Variants in SPTBN5 observed in about 807,000 individuals in gnomAD.
The protein encoded by SPTBN5 is spectrin beta chain, non-erythrocytic 5.
In SPTBN5, 513 loss-of-function variants were observed where a neutral mutation model predicts 477.6. The ratio of observed to expected loss-of-function variants is 1.07; its 90% CI spans 1.00 to 1.16. The LOEUF (loss-of-function observed/expected upper bound fraction) is 1.16. Ranked by LOEUF, SPTBN5 falls within the 50% of genes most tolerant of loss-of-function variation. The probability of loss-of-function intolerance (pLI) is 0.00; values close to 1 mark genes in which losing one functional copy is unlikely to be tolerated. For synonymous variants in SPTBN5, 2,169 were observed against 2,011.7 expected (o/e 1.08, Z -2.09); for missense variants, 5,062 against 4,731.8 (o/e 1.07, Z -2.05).
rs368407366 is a variant in SPTBN5 at position 41,878,626 on chromosome 15, G to A, written c.3186C>T (p.Val1062=). ...VHFLQSVVVK[V]EEPGYAESQP... The stretch of plus-strand genomic sequence containing the variant: ...GGCTCTCTGCGTAGCCTGGCTCCTC[G>A]ACCCTGGGAGACAGGGTGCGCTGCA... The change falls in exon 17 of 68, where the codon GTC becomes GTT. Residue 1062 remains valine (V), a synonymous_variant. Transcript: ENST00000320955. 1.4e-5 allele frequency: 23 copies of A among 1,608,838 alleles called. No individual in the cohort carries two copies. Among genetic ancestry groups the A allele is most frequent in the South Asian group, 4.4e-5 (4 of 90,602 alleles).
chr15:41,855,028 T>C, intron 55 of SPTBN5, 52 bp from the exon 56 acceptor site: 1 of 1,497,212 alleles, frequency 6.7e-7, no homozygotes, highest in Non-Finnish European at 8.9e-7. Context: ...TCATGAGCTC[T>C]CAAAGCTCAT....
chr15:41,849,537 C>G (rs1213246430), intron 67 of SPTBN5, among the ~76,000 whole-genome samples: 1 of 152,186 alleles, frequency 6.6e-6, no homozygotes, highest in Non-Finnish European at 1.5e-5. Context: ...GCTCTCAGCA[C>G]TGGGCAGAGG....
intron 57 of SPTBN5, 51 bp from the exon 58 acceptor site, chr15:41,853,838 G>A (rs539507118): frequency 4.1e-5 from 61 of 1,491,390 alleles, no homozygotes; most frequent in South Asian, 1.0e-4. Context: ...GAGCCGATGC[G>A]TGCTCTGCAT....
chr15:41,864,082 C>T, intron 39 of SPTBN5, 58 bp from the exon 40 acceptor site: 1 of 1,454,450 alleles, frequency 6.9e-7, no homozygotes, highest in Non-Finnish European at 9.5e-7. Flanking sequence ...CCCTTCTTCC[C>T]ACCTCAGCAG....
Position 41,849,851 on chromosome 15 carries a change from C to A in SPTBN5, c.11012+18G>T. 1 of 1,555,242 alleles carries A rather than the reference C, an allele frequency of 6.4e-7. No individual in the cohort carries two copies. Among genetic ancestry groups the A allele is most frequent in the East Asian group, 2.4e-5 (1 of 41,464 alleles). On this transcript the variant is annotated intron_variant, in intron 67 of 67. Transcript: ENST00000320955. ...GCCCAGGGCTCCCCGCCCTGCTTCC[C>A]CCACCCAGGTGTCCCACCTGAGTAG...
chr15:41,856,556 C>A lies in SPTBN5; in HGVS notation c.8851G>T (p.Val2951Leu), dbSNP rs1447758453. ...EMSSHEALTR[V>L]VLGTGYKLVQ... ...AGCTTGTACCCAGTGCCCAGCACCA[C>A]CCGGGTCAGAGCCTCGTGGCTGCTC... Residue 2951 changes from valine to leucine, a missense_variant, in exon 53 of 68, where the codon GTG becomes TTG. Coordinates refer to ENST00000320955, the MANE Select transcript of SPTBN5 (RefSeq NM_016642.4). The A allele has an allele frequency of 7.5e-6, 12 of 1,600,906 alleles. No homozygotes were observed. The highest frequency in any genetic ancestry group is 1.0e-5 in the Non-Finnish European group (12 of 1,176,760).
chr15:41,891,614 A>G (rs774880958), intron 3 of SPTBN5, among the ~76,000 whole-genome samples: 3 of 152,166 alleles, frequency 2.0e-5, no homozygotes, highest in Non-Finnish European at 4.4e-5. Context: ...CCCCCAGAGA[A>G]TCATTTGTTA....
chr15:41,879,554 G>T, intron 15 of SPTBN5, 55 bp from the exon 16 acceptor site: 1 of 1,517,380 alleles, frequency 6.6e-7, no homozygotes, highest in South Asian at 1.2e-5. Context: ...CCATCCATCC[G>T]GGAGCCTTGG....
At chr15:41,871,149 A>G (rs1346193715) in intron 29 of SPTBN5, among the ~76,000 whole-genome samples, 1 of 152,220 alleles carries the variant, frequency 6.6e-6, no homozygotes, top group East Asian at 1.9e-4. Context: ...CCTGCTCTCA[A>G]TCCTGGGGGC....
intron 16 of SPTBN5, among the ~76,000 whole-genome samples, chr15:41,878,838 C>A (rs972393372): frequency 1.3e-5 from 2 of 152,198 alleles, no homozygotes; most frequent in Non-Finnish European, 2.9e-5. Context: ...GAGGCCGAGG[C>A]AGGCAGATCA....
intron 67 of SPTBN5, 48 bp downstream of exon 67, chr15:41,849,821 C>G: frequency 6.8e-7 from 1 of 1,468,976 alleles, no homozygotes; most frequent in Non-Finnish European, 9.3e-7. Flanking sequence ...CTGCCAGCCA[C>G]TGAAGCCCAG....
At chr15:41,848,948 C>G (rs1184534360) in intron 67 of SPTBN5, among the ~76,000 whole-genome samples, 1 of 152,104 alleles carries the variant, frequency 6.6e-6, no homozygotes, top group Admixed American at 6.5e-5. Flanking sequence ...AAGGCCTGTC[C>G]CGTCAGCAAC....
chr15:41,862,719 C>A lies in SPTBN5; in HGVS notation c.7264-59G>T, dbSNP rs114954987. 7.5e-4 allele frequency: 1,155 copies of A among 1,540,852 alleles called. 5 individuals are homozygous for A. The African/African-American group carries it at 0.015, about 19-fold the overall frequency. On this transcript the variant is annotated intron_variant, in intron 42 of 67. Transcript: ENST00000320955. ...GGGGAGCTCTGGGCCACCCAAGCCC[C>A]TCCTCCCCACTTGTGCCCAGGGTCC...
At chr15:41,879,194 A>G in intron 16 of SPTBN5, 66 bp downstream of exon 16, 1 of 1,542,302 alleles carries the variant, frequency 6.5e-7, no homozygotes, top group Admixed American at 1.8e-5. Flanking sequence ...TCCTCATTCC[A>G]CTGCCCTGCC....
At chr15:41,875,108 G>A in intron 22 of SPTBN5, 52 bp from the exon 23 acceptor site, 7 of 1,519,084 alleles carry the variant, frequency 4.6e-6, no homozygotes, top group South Asian at 1.2e-5. Context: ...AGCACAGCAA[G>A]TGGCCTTCCC....
chr15:41,856,221 CA>C (rs1595447516), intron 53 of SPTBN5, among the ~76,000 whole-genome samples, 164 bp downstream of exon 53: 1 of 152,274 alleles, frequency 6.6e-6, no homozygotes, highest in Non-Finnish European at 1.5e-5. Flanking sequence ...ACCCAGCCAG[CA>C]GCTGTGTTCT....
rs543636351 is a variant in SPTBN5, at chr15:41,852,581, G to T, written c.10449+53C>A. On this transcript the variant is annotated intron_variant, in intron 61 of 67. Coordinates refer to ENST00000320955, the MANE Select transcript of SPTBN5 (RefSeq NM_016642.4). ...CCTGGGAGACACTGACTTGCAGGCT[G>T]AGAGGGACTGTTCCCCCACCAGCCC... 1,106 of 1,564,232 alleles carry T rather than the reference G, an allele frequency of 7.1e-4. 14 individuals are homozygous for T. In the South Asian group the frequency reaches 0.011, roughly 16 times the overall value.
At chr15:41,870,631 T>A in intron 29 of SPTBN5, 71 bp from the exon 30 acceptor site, 1 of 1,317,794 alleles carries the variant, frequency 7.6e-7, no homozygotes, top group Admixed American at 1.9e-5. Context: ...TCCCGCTAGG[T>A]CTGGTCAGCC....
intron 54 of SPTBN5, 31 bp from the exon 55 acceptor site, chr15:41,855,459 A>C: frequency 6.3e-7 from 1 of 1,595,278 alleles, no homozygotes; most frequent in Non-Finnish European, 8.6e-7. Flanking sequence ...TCTGGACTGC[A>C]GCCCTGCCTT....
Sources: allele counts gnomAD v4.1 joint callset (sites outside exome capture counted in the v4.1 genomes callset), GRCh38; gene constraint gnomAD v4.1.1; transcripts MANE v1.5; gene names NCBI Gene and HGNC (gene_info 2026-07-23, HGNC 2026-07-21).